ASZ1: variants seen among roughly 807,000 people sequenced by gnomAD.
ASZ1 encodes ankyrin repeat, SAM and basic leucine zipper domain containing 1.
ASZ1 carries 67 observed loss-of-function variants against 61.8 expected under a neutral mutation model. The ratio of observed to expected loss-of-function variants is 1.08; its 90% confidence interval spans 0.89 to 1.33. ASZ1 has a LOEUF of 1.33. Ranked by LOEUF, ASZ1 falls within the 40% of genes most tolerant of loss-of-function variation. The pLI, the probability that ASZ1 is intolerant of heterozygous loss-of-function variation, is 0.00. For synonymous variants in ASZ1, 193 were observed against 192.7 expected (o/e 1.00, Z -0.01); for missense variants, 577 against 554.5 (o/e 1.04, Z -0.41).
At chr7:117,420,912 C>G (rs565680762) in intron 3 of ASZ1, among the ~76,000 whole-genome samples, 1 of 152,182 alleles carries the variant, frequency 6.6e-6, no homozygotes, top group Non-Finnish European at 1.5e-5. Flanking sequence ...TGGCTCAATA[C>G]TGACAGAGCA....
chr7:117,369,353 T>C (rs552011351), intron 10 of ASZ1, among the ~76,000 whole-genome samples: 197 of 152,316 alleles, frequency 1.3e-3, no homozygotes, highest in African/African-American at 4.6e-3. Flanking sequence ...AAAGGCTGGA[T>C]ATAACCATTT....
intron 10 of ASZ1, among the ~76,000 whole-genome samples, chr7:117,377,051 A>G (rs1796151082): frequency 6.6e-6 from 1 of 152,198 alleles, no homozygotes; most frequent in Non-Finnish European, 1.5e-5. Context: ...AGCCTCCTAG[A>G]ACTAATAACT....
chr7:117,404,835 C>T (rs985262093), intron 4 of ASZ1, among the ~76,000 whole-genome samples: 13 of 152,238 alleles, frequency 8.5e-5, no homozygotes, highest in African/African-American at 2.9e-4. Flanking sequence ...CATAGAAATG[C>T]TGCCTCAGGA....
At chr7:117,409,703 C>T (rs539325840) in intron 4 of ASZ1, among the ~76,000 whole-genome samples, 4 of 151,848 alleles carry the variant, frequency 2.6e-5, no homozygotes, top group East Asian at 3.9e-4. Context: ...AATATGTATA[C>T]GAGCTAAAAC....
chr7:117,399,216 A>T (rs1182866968), intron 4 of ASZ1, among the ~76,000 whole-genome samples: 1 of 152,204 alleles, frequency 6.6e-6, no homozygotes, highest in Non-Finnish European at 1.5e-5. Context: ...GGCACAGAGC[A>T]AGACTGTGTC....
chr7:117,367,760 T>C lies in ASZ1; in HGVS notation c.1162-295A>G, dbSNP rs1757543250. ...TCATGAAGGTTTTAAAAATGATGAT[T>C]CTCATATTAATTGATGTTATATAAA... On this transcript the variant is annotated intron_variant, in intron 11 of 12. Coordinates refer to ENST00000284629, the MANE Select transcript of ASZ1 (RefSeq NM_130768.3). The C allele has an allele frequency of 4.2e-6, 4 of 958,990 alleles. No individual in the cohort carries two copies. In the Admixed American group the frequency reaches 2.3e-4, roughly 55 times the overall value. 59.4% of individuals were successfully genotyped at this position (958,990 alleles called of 1,614,324 possible).
chr7:117,386,482 T>C (rs1422673850), intron 4 of ASZ1, among the ~76,000 whole-genome samples: 2 of 152,184 alleles, frequency 1.3e-5, no homozygotes, highest in African/African-American at 4.8e-5. Context: ...CTCCTGGAAG[T>C]TAGTCACCTT....
At chr7:117,414,593 C>G (rs1223175952) in intron 4 of ASZ1, among the ~76,000 whole-genome samples, 1 of 152,106 alleles carries the variant, frequency 6.6e-6, no homozygotes, top group Non-Finnish European at 1.5e-5. Context: ...ATAAACCCGT[C>G]ACCTACATTA....
At chr7:117,426,749 G>A in intron 2 of ASZ1, 87 bp downstream of exon 2, 1 of 1,186,822 alleles carries the variant, frequency 8.4e-7, no homozygotes, top group South Asian at 1.7e-5. Flanking sequence ...GTTTCCATTA[G>A]AAAAGCAACA....
intron 10 of ASZ1, among the ~76,000 whole-genome samples, chr7:117,370,892 C>T (rs956179565): frequency 6.8e-6 from 1 of 147,940 alleles, no homozygotes; most frequent in Admixed American, 6.7e-5. Flanking sequence ...TGCAGTGATG[C>T]GAGGCTCACT....
intron 4 of ASZ1, among the ~76,000 whole-genome samples, chr7:117,388,594 T>C (rs954492346): frequency 6.6e-6 from 1 of 152,160 alleles, no homozygotes; most frequent in Admixed American, 6.6e-5. Context: ...ATCCAACATT[T>C]ATTTCTAACA....
At chr7:117,394,497 C>T (rs1346438699) in intron 4 of ASZ1, among the ~76,000 whole-genome samples, 1 of 152,148 alleles carries the variant, frequency 6.6e-6, no homozygotes, top group Non-Finnish European at 1.5e-5. Context: ...GATGTGTCTA[C>T]ATATTTTAAT....
chr7:117,427,047 T>A, intron 1 of ASZ1, 112 bp from the exon 2 acceptor site: 1 of 1,116,842 alleles, frequency 9.0e-7, no homozygotes, highest in Non-Finnish European at 1.3e-6. Flanking sequence ...TGGCTTTATT[T>A]TGACTAAGAT....
chr7:117,381,327 A>G (rs188157077), intron 8 of ASZ1, among the ~76,000 whole-genome samples: 1 of 152,238 alleles, frequency 6.6e-6, no homozygotes, highest in African/African-American at 2.4e-5. Context: ...CTTACATTAA[A>G]AGAAAAGCAG....
chr7:117,397,461 C>A (rs908650373), intron 4 of ASZ1, among the ~76,000 whole-genome samples: 1 of 152,134 alleles, frequency 6.6e-6, no homozygotes, highest in African/African-American at 2.4e-5. Flanking sequence ...TCATTACTTG[C>A]AATCAAACTG....
chr7:117,400,909 T>G (rs1033760062), intron 4 of ASZ1, among the ~76,000 whole-genome samples: 3 of 152,212 alleles, frequency 2.0e-5, no homozygotes, highest in African/African-American at 7.2e-5. Context: ...TTAATTGACG[T>G]GATCTGCCCT....
intron 12 of ASZ1, 83 bp downstream of exon 12, chr7:117,367,269 C>A: frequency 9.2e-7 from 1 of 1,083,196 alleles, no homozygotes; most frequent in Non-Finnish European, 1.2e-6. Flanking sequence ...GTTGCTCTTA[C>A]CAGAACTGCT....
intron 5 of ASZ1, 93 bp downstream of exon 5, chr7:117,385,605 G>GC: frequency 2.9e-6 from 3 of 1,020,126 alleles, no homozygotes; most frequent in Non-Finnish European, 4.3e-6. Context: ...TTATATTCCA[G>GC]CCCTTTTGTA....
chr7:117,387,582 T>C (rs150690251), intron 4 of ASZ1, among the ~76,000 whole-genome samples: 1 of 152,316 alleles, frequency 6.6e-6, no homozygotes, highest in East Asian at 1.9e-4. Context: ...CTCTTCTCTG[T>C]CATTCCAAGT....
Sources: allele counts gnomAD v4.1 joint callset (sites outside exome capture counted in the v4.1 genomes callset), GRCh38; gene constraint gnomAD v4.1.1; transcripts MANE v1.5; gene names NCBI Gene and HGNC (gene_info 2026-07-23, HGNC 2026-07-21).